Variants in ZNF430 observed in about 807,000 individuals in gnomAD.
ZNF430 encodes zinc finger protein 430.
ZNF430 carries 35 observed loss-of-function variants against 56.7 expected under a neutral mutation model. The observed-to-expected ratio is 0.62, with a 90% CI of 0.47 to 0.82. ZNF430 has a LOEUF of 0.82. ZNF430 is among the 40% of genes least tolerant of loss of function. The pLI, the probability that ZNF430 is intolerant of heterozygous loss-of-function variation, is 0.00. For synonymous variants in ZNF430, 212 were observed against 224.3 expected (o/e 0.94, Z 0.49); for missense variants, 574 against 661.0 (o/e 0.87, Z 1.44).
chr19:21,055,359 G>A (rs1968356304), intron 4 of ZNF430, among the ~76,000 whole-genome samples: 1 of 151,834 alleles, frequency 6.6e-6, no homozygotes, highest in Admixed American at 6.6e-5. Context: ...TCTCAAACAT[G>A]TTGCTAGAAT....
chr19:21,050,100 G>A (rs919574993), intron 4 of ZNF430, among the ~76,000 whole-genome samples: 1 of 137,932 alleles, frequency 7.2e-6, no homozygotes, highest in Non-Finnish European at 1.6e-5. Context: ...TAGCCAGGAC[G>A]GTCTCGATCT....
intron 4 of ZNF430, among the ~76,000 whole-genome samples, chr19:21,053,775 A>G (rs1388001927): frequency 6.6e-6 from 1 of 152,220 alleles, no homozygotes; most frequent in Non-Finnish European, 1.5e-5. Context: ...GTGTATATAT[A>G]TAAACTCTGA....
chr19:21,022,792 A>T lies in ZNF430; in HGVS notation c.7A>T (p.Asn3Tyr), dbSNP rs780227692. The change falls in exon 2 of 5, where the codon AAC (asparagine) becomes TAC (tyrosine). Residue 3 changes from asparagine to tyrosine, a missense_variant. Around this residue, in one of 3 missense-constraint regions of ZNF430, gnomAD observed 346 missense variants for 399.1 expected, o/e 0.87. Transcript: ENST00000261560. ME[N>Y]LKSGVYPLKE... ...TCTGGGTTATTTTCTCCCATAGGAG[A>T]ACCTGAAGTCTGGAGTGTATCCTCT... is the stretch of plus-strand genomic sequence containing the variant. 8 of 1,610,152 alleles carry T rather than the reference A, an allele frequency of 5.0e-6. 1 individual carries two copies. The Admixed American group carries it at 1.3e-4, about 27-fold the overall frequency.
chr19:21,055,319 C>T (rs1291262370), intron 4 of ZNF430, among the ~76,000 whole-genome samples: 1 of 151,990 alleles, frequency 6.6e-6, no homozygotes, highest in Admixed American at 6.6e-5. Context: ...ATAGTCTGGA[C>T]AATTGTCTTG....
intron 4 of ZNF430, among the ~76,000 whole-genome samples, chr19:21,049,191 A>T (rs1599504965): frequency 1.3e-5 from 2 of 150,402 alleles, no homozygotes; most frequent in South Asian, 2.1e-4. Context: ...AAAAAAAAAA[A>T]AAAAAAGTAA....
At chr19:21,046,898 A>G (rs780012962) in intron 4 of ZNF430, among the ~76,000 whole-genome samples, 15 of 152,160 alleles carry the variant, frequency 9.9e-5, no homozygotes, top group Non-Finnish European at 1.8e-4. Flanking sequence ...AGGTTGGAAA[A>G]GTTCTTCTGG....
At chr19:21,056,410 G>A (rs1489262713) in intron 4 of ZNF430, among the ~76,000 whole-genome samples, 4 of 151,758 alleles carry the variant, frequency 2.6e-5, no homozygotes, top group South Asian at 2.1e-4. Flanking sequence ...AATAGCTTGA[G>A]CCTGGGTGGC....
Position 21,057,622 on chromosome 19 carries a change from T to G in ZNF430, c.1314T>G (p.Phe438Leu). Residue 438 changes from phenylalanine (F) to leucine (L), a missense_variant, in exon 5 of 5, where the codon TTT becomes TTG. Physicochemically the swap from Phe to Leu is conservative, Grantham distance 22. Around this residue, in one of 3 missense-constraint regions of ZNF430, gnomAD observed 213 missense variants for 221.0 expected, o/e 0.96. Coordinates refer to ENST00000261560, the MANE Select transcript of ZNF430 (RefSeq NM_025189.4). ...PYKCEQCGKAFNESSNLTAHK... is the reference protein window; with the variant it reads ...PYKCEQCGKALNESSNLTAHK... ...AATGTGAACAATGTGGCAAAGCTTT[T>G]AATGAGTCCTCAAACCTTACTGCAC... 6.2e-7 allele frequency: 1 copy of G among 1,612,008 alleles called. No homozygotes were observed. Among genetic ancestry groups the G allele is most frequent in the Non-Finnish European group, 8.5e-7 (1 of 1,179,492 alleles).
intron 4 of ZNF430, 50 bp from the exon 5 acceptor site, chr19:21,056,580 AT>A (rs1262464771): frequency 7.6e-7 from 1 of 1,321,048 alleles, no homozygotes; most frequent in East Asian, 2.4e-5. Flanking sequence ...TGTAAAGCAT[AT>A]TCATCTGAGT....
chr19:21,027,457 A>G (rs1967824805), intron 2 of ZNF430, among the ~76,000 whole-genome samples: 1 of 152,182 alleles, frequency 6.6e-6, no homozygotes, highest in African/African-American at 2.4e-5. Flanking sequence ...TTGATTGTAT[A>G]TGGAACCAAC....
At chr19:21,023,439 A>G (rs1967734946) in intron 2 of ZNF430, among the ~76,000 whole-genome samples, 1 of 152,210 alleles carries the variant, frequency 6.6e-6, no homozygotes, top group Admixed American at 6.5e-5. Context: ...CAAAGGCATA[A>G]AAGTGGTGGG....
intron 4 of ZNF430, among the ~76,000 whole-genome samples, chr19:21,052,124 A>G (rs1284677391): frequency 6.6e-6 from 1 of 152,162 alleles, no homozygotes; most frequent in Admixed American, 6.5e-5. Flanking sequence ...TAAATTTTTC[A>G]GTTTTTGTCT....
chr19:21,023,837 G>A (rs1967744078), intron 2 of ZNF430, among the ~76,000 whole-genome samples: 1 of 152,116 alleles, frequency 6.6e-6, no homozygotes, highest in Non-Finnish European at 1.5e-5. Context: ...CCACCTAGAA[G>A]TTTTCCCATA....
chr19:21,023,170 G>A (rs187155566), intron 2 of ZNF430, among the ~76,000 whole-genome samples: 45 of 152,284 alleles, frequency 3.0e-4, no homozygotes, highest in African/African-American at 9.1e-4. Flanking sequence ...TTAAATGCCC[G>A]TGGGACAGTC....
In ZNF430 at chr19:21,057,887, A is replaced by G. The variant is rs747791403; in HGVS notation, c.1579A>G (p.Thr527Ala). The G allele has an allele frequency of 2.2e-5, 35 of 1,613,704 alleles. No homozygotes were observed. The highest frequency in any genetic ancestry group is 2.8e-5 in the Non-Finnish European group (33 of 1,179,910). ...TGATAAAGCCTTTAGCCAGTCTTCA[A>G]CTCTTACTAAACATAAGGTAATTCA... is the stretch of plus-strand genomic sequence containing the variant. The part of the protein sequence containing the change: ...ECDKAFSQSS[T>A]LTKHKVIHTG... Residue 527 changes from threonine to alanine, a missense_variant, in exon 5 of 5, where the codon ACT (threonine) becomes GCT (alanine). Thr to Ala is a moderately conservative substitution (Grantham distance 58). Coordinates refer to ENST00000261560, the MANE Select transcript of ZNF430 (RefSeq NM_025189.4).
intron 4 of ZNF430, chr19:21,049,656 C>T (rs565955497): frequency 4.0e-5 from 6 of 148,860 alleles, no homozygotes; most frequent in Middle Eastern, 3.4e-3. Flanking sequence ...TTTCTTGTTA[C>T]GTTTCCTGCA....
Position 21,033,499 on chromosome 19 carries a change from A to G in ZNF430, c.140A>G (p.Glu47Gly), listed in dbSNP as rs756105630. ...FRDVAIEFSL[E>G]EWQCLDTAQQ... ...GATGTGGCCATAGAATTTTCTCTGG[A>G]GGAGTGGCAATGCCTGGACACTGCT... is the stretch of plus-strand genomic sequence containing the variant. Residue 47 changes from glutamate (E) to glycine (G), a missense_variant, in exon 3 of 5, where the codon GAG (glutamate) becomes GGG (glycine). By Grantham distance (98) the Glu-to-Gly change is moderately conservative (BLOSUM62 -2). Transcript: ENST00000261560. The G allele has an allele frequency of 6.2e-7, 1 of 1,611,834 alleles. No homozygotes were observed. The highest frequency in any genetic ancestry group is 8.5e-7 in the Non-Finnish European group (1 of 1,178,942).
rs771867533 is a variant in ZNF430 at position 21,034,090 on chromosome 19, T to G, written c.228T>G (p.Gly76=). ...ENYRNLVFLA[G]IAVSKPDLIT... is the part of the protein sequence containing the mutation. ...TGTTATTTATTTTCAATAAAGCAGGTATTGCTGTTTCTAAGCCAGACCTGA... is the reference window on the plus strand; with the variant it reads ...TGTTATTTATTTTCAATAAAGCAGGGATTGCTGTTTCTAAGCCAGACCTGA... The change falls in exon 4 of 5, where the codon GGT becomes GGG. Residue 76 remains glycine (G), a synonymous_variant. Transcript: ENST00000261560. 6.2e-7 allele frequency: 1 copy of G among 1,611,842 alleles called. No homozygotes were observed. Among genetic ancestry groups the G allele is most frequent in the Non-Finnish European group, 8.5e-7 (1 of 1,178,170 alleles).
chr19:21,057,697 C>G lies in ZNF430; in HGVS notation c.1389C>G (p.Gly463=), dbSNP rs144780397. The G allele has an allele frequency of 9.3e-6, 15 of 1,609,192 alleles. No individual in the cohort carries two copies. Among genetic ancestry groups the G allele is most frequent in the Admixed American group, 3.4e-5 (2 of 59,176 alleles). The change falls in exon 5 of 5, where the codon GGC becomes GGG. Residue 463 remains glycine, a synonymous_variant. Transcript: ENST00000261560. ...GEKPYKCEEC[G]KAFNRSPKLT... is the part of the protein sequence containing the mutation. ...AACCCTACAAATGTGAAGAATGTGG[C>G]AAAGCCTTTAACCGGTCCCCAAAAC...
Sources: allele counts gnomAD v4.1 joint callset (sites outside exome capture counted in the v4.1 genomes callset), GRCh38; gene constraint gnomAD v4.1.1; regional missense constraint gnomAD v4.1.1; transcripts MANE v1.5; gene names NCBI Gene and HGNC (gene_info 2026-07-23, HGNC 2026-07-21).